Variants in POFUT3 observed in about 807,000 individuals in gnomAD.
POFUT3 encodes GDP-fucose protein O-fucosyltransferase 3.
At chr8:33,358,486 C>T in the POFUT3 span, among the ~76,000 whole-genome samples, 1 of 152,094 alleles carries the variant, frequency 6.6e-6, no homozygotes. Context: ...TAAATATGGA[C>T]TGTGTATTAA....
chr8:33,425,069 C>T, the POFUT3 span, among the ~76,000 whole-genome samples: 1 of 152,150 alleles, frequency 6.6e-6, no homozygotes, highest in Non-Finnish European at 1.5e-5. Flanking sequence ...CGGGTGCTGG[C>T]TCACACCTGT....
chr8:33,314,612 C>A, the POFUT3 span, among the ~76,000 whole-genome samples: 2 of 152,292 alleles, frequency 1.3e-5, no homozygotes, highest in South Asian at 2.1e-4. Flanking sequence ...ATAGCAAATA[C>A]CATGTACGTG....
At chr8:33,309,185 T>TGGGG in the POFUT3 span, among the ~76,000 whole-genome samples, 32 of 112,052 alleles carry the variant, frequency 2.9e-4, no homozygotes, top group African/African-American at 1.1e-3. Flanking sequence ...TATATATATA[T>TGGGG]ATATATATAT....
chr8:33,376,887 G>C, the POFUT3 span, among the ~76,000 whole-genome samples: 1 of 152,154 alleles, frequency 6.6e-6, no homozygotes, highest in African/African-American at 2.4e-5. Context: ...TGGCTGGTAG[G>C]TACAGATGCC....
chr8:33,449,579 C>G, the POFUT3 span, among the ~76,000 whole-genome samples: 4 of 152,024 alleles, frequency 2.6e-5, no homozygotes, highest in African/African-American at 9.6e-5. Context: ...CGTGAGCCGC[C>G]GCGTCTGGCC....
the POFUT3 span, among the ~76,000 whole-genome samples, chr8:33,379,834 T>TAA: frequency 2.3e-4 from 16 of 71,026 alleles, no homozygotes; most frequent in African/African-American, 1.0e-3. Context: ...AGACTCTGTC[T>TAA]AAAAAAAAAA....
At chr8:33,332,146 AAAGAAG>A in the POFUT3 span, among the ~76,000 whole-genome samples, 27 of 148,680 alleles carry the variant, frequency 1.8e-4, no homozygotes, top group African/African-American at 5.9e-4. Flanking sequence ...TTGTCTCAGA[AAAGAAG>A]AAGAAGAAGA....
the POFUT3 span, among the ~76,000 whole-genome samples, chr8:33,324,199 A>G: frequency 6.6e-6 from 1 of 152,178 alleles, no homozygotes; most frequent in South Asian, 2.1e-4. Context: ...CTCCCCACAC[A>G]TTCCTCTGGC....
chr8:33,407,193 T>C, the POFUT3 span, among the ~76,000 whole-genome samples: 51,847 of 152,024 alleles, frequency 0.34, 9,244 homozygotes, highest in African/African-American at 0.44. Context: ...GCAGATATTT[T>C]ATCTGAACAT....
the POFUT3 span, among the ~76,000 whole-genome samples, chr8:33,308,749 G>C: frequency 2.0e-5 from 3 of 151,834 alleles, no homozygotes; most frequent in East Asian, 5.8e-4. Flanking sequence ...TGTGTTCCTG[G>C]AGCCCAGTCA....
chr8:33,343,546 C>T, the POFUT3 span, among the ~76,000 whole-genome samples: 3 of 148,428 alleles, frequency 2.0e-5, no homozygotes, highest in Non-Finnish European at 4.4e-5. Flanking sequence ...ATGTACACAA[C>T]CCCTTTATTA....
At chr8:33,319,627 ATTT>A in the POFUT3 span, among the ~76,000 whole-genome samples, 1 of 1,168 alleles carries the variant, frequency 8.6e-4, no homozygotes. Flanking sequence ...AAATATATAT[ATTT>A]TATATATATT....
At chr8:33,372,384 TA>T in the POFUT3 span, 1 of 1,357,066 alleles carries the variant, frequency 7.4e-7, no homozygotes. Context: ...TTTTTTAGTA[TA>T]AAAAATATAG....
At chr8:33,441,313 A>C in the POFUT3 span, among the ~76,000 whole-genome samples, 2 of 139,016 alleles carry the variant, frequency 1.4e-5, no homozygotes, top group African/African-American at 2.7e-5. Context: ...CCTGGACAAC[A>C]GAGCAAGACT....
At chr8:33,431,331 G>T in the POFUT3 span, among the ~76,000 whole-genome samples, 1 of 151,778 alleles carries the variant, frequency 6.6e-6, no homozygotes, top group Non-Finnish European at 1.5e-5. Context: ...CGGATCACTT[G>T]AGGCCAGGAG....
chr8:33,445,474 T>C, the POFUT3 span, among the ~76,000 whole-genome samples: 2 of 152,188 alleles, frequency 1.3e-5, no homozygotes, highest in African/African-American at 2.4e-5. Flanking sequence ...GTCATAGATA[T>C]GTCACTCATG....
At chr8:33,326,250 G>A in the POFUT3 span, among the ~76,000 whole-genome samples, 1 of 152,232 alleles carries the variant, frequency 6.6e-6, no homozygotes, top group Non-Finnish European at 1.5e-5. Flanking sequence ...GGGAACATGT[G>A]AGAGTCTGGG....
the POFUT3 span, among the ~76,000 whole-genome samples, chr8:33,404,304 C>G: frequency 6.7e-6 from 1 of 150,304 alleles, no homozygotes; most frequent in Admixed American, 6.6e-5. Flanking sequence ...CACCACTGCA[C>G]TCCAGCCTGG....
the POFUT3 span, among the ~76,000 whole-genome samples, chr8:33,412,496 G>A: frequency 6.6e-6 from 1 of 152,206 alleles, no homozygotes; most frequent in African/African-American, 2.4e-5. Flanking sequence ...GGCCTGGGCT[G>A]TGATTTTTGC....
Sources: gnomAD v4.1 joint callset for allele counts (sites outside exome capture counted in the v4.1 genomes callset) on GRCh38, gnomAD v4.1.1 for gene constraint, MANE v1.5 for transcripts, NCBI Gene and HGNC (gene_info 2026-07-23, HGNC 2026-07-21) for gene names.